STK32C: variants seen among roughly 807,000 people sequenced by gnomAD.
STK32C encodes the protein serine/threonine kinase 32C, also known as serine/threonine-protein kinase 32C.
STK32C carries 31 observed loss-of-function variants against 56.5 expected under a neutral mutation model. That is an observed-to-expected ratio of 0.55 (90% CI 0.41 to 0.74). The LOEUF (loss-of-function observed/expected upper bound fraction) is 0.74. Among genes scored for constraint, STK32C ranks in the 30% least tolerant of loss-of-function variants. STK32C has a pLI of 0.00. For missense variants in STK32C, 544 were observed against 676.9 expected (o/e 0.80, Z 2.18); for synonymous variants, 309 against 289.4 (o/e 1.07, Z -0.69).
exon 1 of STK32C, chr10:132,331,802 G>T (rs762276894): frequency 1.3e-6 from 2 of 1,597,012 alleles, no homozygotes; most frequent in South Asian, 2.2e-5. Context: ...GTCTCTACTT[G>T]CCCGTCGACC....
intron 1 of STK32C, among the ~76,000 whole-genome samples, chr10:132,281,007 C>CCCCTGCACTCCGTGATCACGT (rs1228360065): frequency 1.3e-5 from 2 of 149,298 alleles, no homozygotes; most frequent in African/African-American, 2.5e-5. Flanking sequence ...CGTGATCACG[C>CCCCTGCACTCCGTGATCACGT]CCCTGCACTC....
chr10:132,245,081 T>C (rs1449357704), intron 2 of STK32C, among the ~76,000 whole-genome samples: 1 of 152,160 alleles, frequency 6.6e-6, no homozygotes, highest in Non-Finnish European at 1.5e-5. Flanking sequence ...TACAATGAAA[T>C]GGAGGTAATT....
At chr10:132,221,251 C>G (rs145654426) in intron 10 of STK32C, among the ~76,000 whole-genome samples, 160 of 150,620 alleles carry the variant, frequency 1.1e-3, no homozygotes, top group African/African-American at 3.6e-3. Context: ...GAGGGCTTCA[C>G]GTGGCCATCC....
At chr10:132,331,856 G>C (rs577493247), upstream of STK32C, 54 of 1,408,212 alleles carry the variant, frequency 3.8e-5, no homozygotes, top group East Asian at 6.5e-4. Context: ...GGATGCTACC[G>C]TTGGCCGCGT....
At position 132,226,840 on chromosome 10, in the gene STK32C, A is replaced by G. The variant is rs1346881585; in HGVS notation, c.599T>C (p.Met200Thr). Residue 200 changes from methionine to threonine, a missense_variant, in exon 4 of 12, where the codon ATG becomes ACG. By Grantham distance (81) the Met-to-Thr change is moderately conservative. Transcript: ENST00000298630. ...EDTVRLYICE[M>T]ALALDYLRGQ... is the part of the protein sequence containing the mutation. The stretch of plus-strand genomic sequence containing the variant: ...GCGCAGGTAGTCCAGAGCCAGTGCC[A>G]TCTCGCAGATGTACAGCCTCACCGT... 1.9e-6 allele frequency: 3 copies of G among 1,613,328 alleles called. No individual in the cohort carries two copies. Among genetic ancestry groups the G allele is most frequent in the Non-Finnish European group, 2.5e-6 (3 of 1,180,026 alleles).
chr10:132,311,576 C>T (rs1044139639), upstream of STK32C, among the ~76,000 whole-genome samples: 9 of 152,208 alleles, frequency 5.9e-5, no homozygotes, highest in African/African-American at 9.6e-5. This position sits in a 1 kb window ranked among gnomAD's most constrained non-coding sequence, Gnocchi z 4.4. Flanking sequence ...AGCACAGCGA[C>T]GGAGAACATG....
chr10:132,256,146 T>C (rs979032291), intron 1 of STK32C, among the ~76,000 whole-genome samples: 1 of 152,224 alleles, frequency 6.6e-6, no homozygotes, highest in Non-Finnish European at 1.5e-5. Flanking sequence ...CTGTCTTTTC[T>C]GTGAAACAGA....
chr10:132,248,007 T>C (rs551841960), intron 1 of STK32C, among the ~76,000 whole-genome samples: 50 of 152,222 alleles, frequency 3.3e-4, no homozygotes, highest in African/African-American at 1.2e-3. Flanking sequence ...TGACACAGCC[T>C]CCACGAGCCC....
chr10:132,284,582 C>G (rs1480302660), intron 1 of STK32C, among the ~76,000 whole-genome samples: 1 of 152,166 alleles, frequency 6.6e-6, no homozygotes, highest in Non-Finnish European at 1.5e-5. Flanking sequence ...CTCAGACGAA[C>G]AGAGCTGCAG....
chr10:132,224,401 G>A lies in STK32C; in HGVS notation c.993+6C>T, dbSNP rs2062800936. 1.2e-5 allele frequency: 18 copies of A among 1,546,096 alleles called. No individual in the cohort carries two copies. Among genetic ancestry groups the A allele is most frequent in the Non-Finnish European group, 1.6e-5 (18 of 1,143,102 alleles). Reference sequence around the variant, plus strand: ...AGGGTGAGGAGGCTCAGGGATGGGGGCTCACCTTCCGCAGCAAGGCCACCA... The same window carrying A: ...AGGGTGAGGAGGCTCAGGGATGGGGACTCACCTTCCGCAGCAAGGCCACCA... On this transcript the variant is annotated splice_donor_region_variant and intron_variant, in intron 8 of 11. Coordinates refer to ENST00000298630, the MANE Select transcript of STK32C (RefSeq NM_173575.4).
At chr10:132,295,399 C>T (rs910752310) in intron 1 of STK32C, among the ~76,000 whole-genome samples, 9 of 152,198 alleles carry the variant, frequency 5.9e-5, no homozygotes, top group Non-Finnish European at 8.8e-5. Flanking sequence ...AGAGCAACAA[C>T]GAAAGCACCG....
intron 1 of STK32C, among the ~76,000 whole-genome samples, chr10:132,266,563 T>C (rs937952611): frequency 6.6e-5 from 10 of 152,164 alleles, no homozygotes; most frequent in Non-Finnish European, 1.5e-4. Flanking sequence ...AATGGGTGTT[T>C]ACCTTTGGCA....
intron 1 of STK32C, among the ~76,000 whole-genome samples, chr10:132,298,152 C>T (rs912815865): frequency 1.3e-5 from 2 of 152,238 alleles, no homozygotes; most frequent in African/African-American, 2.4e-5. Context: ...CTCTTCCAAA[C>T]AGCCCGGCCG....
intron 1 of STK32C, among the ~76,000 whole-genome samples, chr10:132,259,158 T>C (rs1053162747): frequency 1.3e-5 from 2 of 152,174 alleles, no homozygotes; most frequent in African/African-American, 4.8e-5. Context: ...CTCACCCTCA[T>C]GTGCACCTTC....
upstream of STK32C, among the ~76,000 whole-genome samples, chr10:132,312,524 A>G (rs1277199416): frequency 6.6e-6 from 1 of 152,166 alleles, no homozygotes; most frequent in African/African-American, 2.4e-5. Context: ...TAGGCATAAG[A>G]TATACATTCC....
chr10:132,208,676 T>G (rs1219539360), intron 11 of STK32C, among the ~76,000 whole-genome samples: 1 of 152,130 alleles, frequency 6.6e-6, no homozygotes, highest in Non-Finnish European at 1.5e-5. Flanking sequence ...GCCCTTTCTG[T>G]CCCCTGGGGC....
At chr10:132,237,061 T>C (rs2137829729) in intron 2 of STK32C, among the ~76,000 whole-genome samples, 1 of 152,324 alleles carries the variant, frequency 6.6e-6, no homozygotes, top group African/African-American at 2.4e-5. Context: ...CCCACACGGG[T>C]GGATGGATCC....
At position 132,245,663 on chromosome 10, in the gene STK32C, G is replaced by A. The variant is rs914838618; in HGVS notation, c.318+237C>T. On this transcript the variant is annotated intron_variant, in intron 2 of 11. Transcript: ENST00000298630. ...AAAGCTGCGATTTTGTCCTCCTGGT[G>A]GCTCCTGGACGCTGCGGAGTTGGTG... is the stretch of plus-strand genomic sequence containing the variant. Among the ~76,000 whole-genome samples the A allele has an allele frequency of 2.6e-5, 4 of 152,242 alleles. No homozygotes were observed. In the East Asian group the frequency reaches 7.7e-4, roughly 29 times the overall value.
At chr10:132,268,561 GCC>G (rs1491059392) in intron 1 of STK32C, among the ~76,000 whole-genome samples, 3 of 139,916 alleles carry the variant, frequency 2.1e-5, no homozygotes, top group South Asian at 2.3e-4. Context: ...GTGTGTGTGT[GCC>G]TGCGTGTGTA....
Sources: gnomAD v4.1 joint callset for allele counts (sites outside exome capture counted in the v4.1 genomes callset) on GRCh38, gnomAD v4.1.1 for gene constraint, Gnocchi (gnomAD v3.1) non-coding constraint, MANE v1.5 for transcripts, NCBI Gene and HGNC (gene_info 2026-07-23, HGNC 2026-07-21) for gene names.